Variants in TBRG4 observed in about 807,000 individuals in gnomAD.
TBRG4 encodes the protein FAST kinase domain-containing protein 4.
Under a neutral mutation model 65.6 loss-of-function variants are expected in TBRG4, and 43 were observed. The ratio of observed to expected loss-of-function variants is 0.66; its 90% CI spans 0.51 to 0.85. The LOEUF (loss-of-function observed/expected upper bound fraction) is 0.85, where lower values mean the gene tolerates loss of function less well. Ranked by LOEUF, TBRG4 falls within the 40% of genes least tolerant of loss-of-function variation. The pLI is 0.00. For synonymous variants in TBRG4, 366 were observed against 341.4 expected (o/e 1.07, Z -0.79); for missense variants, 709 against 787.9 (o/e 0.90, Z 1.20).
rs1193679190 is a variant in TBRG4 at position 45,105,462 on chromosome 7, T to C, written c.714A>G (p.Leu238=). The C allele has an allele frequency of 1.9e-6, 3 of 1,607,370 alleles. No homozygotes were observed. The highest frequency in any genetic ancestry group is 1.1e-5 in the South Asian group (1 of 90,364). The part of the protein sequence containing the change: ...MMKVGHLSEP[L]MNRLEDKCLE... ...GTACCTTGTCTTCCAGGCGGTTCATTAGTGGCTCCGAGAGGTGTCCCACCT... is the reference window on the plus strand; with the variant it reads ...GTACCTTGTCTTCCAGGCGGTTCATCAGTGGCTCCGAGAGGTGTCCCACCT... The change falls in exon 3 of 11, where the codon CTA becomes CTG. Residue 238 remains leucine, a synonymous_variant. Coordinates refer to ENST00000258770, the MANE Select transcript of TBRG4 (RefSeq NM_004749.4).
At chr7:45,111,425 G>C (rs912647497) in intron 1 of TBRG4, 4 of 329,014 alleles carry the variant, frequency 1.2e-5, no homozygotes, top group African/African-American at 9.0e-5. Context: ...ACGGTCAACA[G>C]GGGCGGCGTC....
intron 3 of TBRG4, 52 bp from the exon 4 acceptor site, chr7:45,104,761 A>T: frequency 6.3e-7 from 1 of 1,597,190 alleles, no homozygotes; most frequent in Non-Finnish European, 8.5e-7. Flanking sequence ...GGTGGCAGAG[A>T]TGAGCTGGGG....
intron 1 of TBRG4, 77 bp from the exon 2 acceptor site, chr7:45,109,364 A>G: frequency 8.4e-7 from 1 of 1,184,440 alleles, no homozygotes; most frequent in East Asian, 2.6e-5. Context: ...TGAAATAGTC[A>G]AAGCCACTCT....
chr7:45,105,329 GCT>G lies in TBRG4; in HGVS notation c.735+110_735+111del, dbSNP rs199642226. On this transcript the variant is annotated intron_variant, in intron 3 of 10. Coordinates refer to ENST00000258770, the MANE Select transcript of TBRG4 (RefSeq NM_004749.4). ...GAGGCTCCAGACAGAAGCTCCCAGG[GCT>G]CTGATCCCAGTGCACACAACGCACC... The G allele has an allele frequency of 1.4e-3, 1,684 of 1,213,550 alleles. 35 individuals are homozygous for G. In the East Asian group the frequency reaches 0.035, roughly 25 times the overall value. The allele number at this position is 1,213,550 out of a possible 1,614,324, so 75.2% of individuals were successfully genotyped here.
chr7:45,103,407 G>C lies in TBRG4; in HGVS notation c.1102C>G (p.His368Asp). ...LNRAQDITLPHLCSVLLAFAR... is the reference protein window; with the variant it reads ...LNRAQDITLPDLCSVLLAFAR... ...AAAGCCAGAAGTACGCTGCACAGGTGGGGCAGGGTGATGTCCTGCGCTCTG... is the reference window on the plus strand; with the variant it reads ...AAAGCCAGAAGTACGCTGCACAGGTCGGGCAGGGTGATGTCCTGCGCTCTG... The change falls in exon 6 of 11, where the codon CAC becomes GAC. Residue 368 changes from histidine (H) to aspartate (D), a missense_variant. Coordinates refer to ENST00000258770, the MANE Select transcript of TBRG4 (RefSeq NM_004749.4). 2 of 1,613,980 alleles carry C rather than the reference G, an allele frequency of 1.2e-6. No homozygotes were observed. Among genetic ancestry groups the C allele is most frequent in the Non-Finnish European group, 1.7e-6 (2 of 1,179,928 alleles).
rs1784926464 is a variant in TBRG4 at position 45,105,664 on chromosome 7, T to C, written c.512A>G (p.Glu171Gly). 1.2e-6 allele frequency: 2 copies of C among 1,614,034 alleles called. No homozygotes were observed. The highest frequency in any genetic ancestry group is 2.2e-5 in the South Asian group (2 of 91,082). Reference sequence around the variant, plus strand: ...GAGCTTCCGCATGCGCCAGCGGACCTCCTGCTCCACCGACTGCAGCTCCTT... The same window carrying C: ...GAGCTTCCGCATGCGCCAGCGGACCCCCTGCTCCACCGACTGCAGCTCCTT... ...ASKELQSVEQ[E>G]VRWRMRKLKY... The change falls in exon 3 of 11, where the codon GAG (glutamate) becomes GGG (glycine). Residue 171 changes from glutamate (E) to glycine (G), a missense_variant. Glu to Gly is a moderately conservative substitution (Grantham distance 98, BLOSUM62 -2). Coordinates refer to ENST00000258770, the MANE Select transcript of TBRG4 (RefSeq NM_004749.4).
chr7:45,111,302 GC>G (rs1159892109), intron 1 of TBRG4: 1 of 164,092 alleles, frequency 6.1e-6, no homozygotes, highest in African/African-American at 2.4e-5. Flanking sequence ...GTAAACGGAA[GC>G]CCAGGAGCCA....
rs776184393 is a variant in TBRG4 at position 45,104,267 on chromosome 7, G to C, written c.908-11C>G. 3.7e-6 allele frequency: 6 copies of C among 1,613,574 alleles called. No individual in the cohort carries two copies. The East Asian group carries it at 1.1e-4, about 30-fold the overall frequency. On this transcript the variant is annotated splice_polypyrimidine_tract_variant and intron_variant, in intron 4 of 10. Transcript: ENST00000258770. Reference sequence around the variant, plus strand: ...GAAAGCTGAGTTTGCCTTCAGGACAGAGCAGATCACAGGGTTTAGCTGGAG... The same window carrying C: ...GAAAGCTGAGTTTGCCTTCAGGACACAGCAGATCACAGGGTTTAGCTGGAG...
rs182333366 is a variant in TBRG4 at position 45,101,310 on chromosome 7, C to A, written c.1742G>T (p.Arg581Leu). ...FNSRSKDLLG[R>L]FVLARRHIVA... ...TATGTGTCGCCGGGCCAGAACAAAGCGACCCAGCAAGTCCTTGCTTCGGCT... is the reference window on the plus strand; with the variant it reads ...TATGTGTCGCCGGGCCAGAACAAAGAGACCCAGCAAGTCCTTGCTTCGGCT... Residue 581 changes from arginine (R) to leucine (L), a missense_variant, in exon 10 of 11, where the codon CGC becomes CTC. Transcript: ENST00000258770. The A allele has an allele frequency of 1.2e-6, 2 of 1,613,992 alleles. No homozygotes were observed. The highest frequency in any genetic ancestry group is 1.1e-5 in the South Asian group (1 of 91,082).
At chr7:45,104,047 G>A (rs1487820997) in intron 5 of TBRG4, 52 bp downstream of exon 5, 4 of 1,520,932 alleles carry the variant, frequency 2.6e-6, no homozygotes, top group African/African-American at 2.8e-5. Flanking sequence ...ATGGTTCCCA[G>A]CAGATGGCCA....
In TBRG4 at chr7:45,111,426, G is replaced by A. The variant is rs1239249104; in HGVS notation, c.-51+217C>T. ...CGCTGGGGTCATGGACGGTCAACAG[G>A]GGCGGCGTCTTCCAGGCCTGGCCGC... On this transcript the variant is annotated intron_variant, in intron 1 of 10. Coordinates refer to ENST00000258770, the MANE Select transcript of TBRG4 (RefSeq NM_004749.4). The A allele has an allele frequency of 1.4e-4, 45 of 329,496 alleles. 1 individual carries two copies. Among genetic ancestry groups the A allele is most frequent in the South Asian group, 1.1e-3 (45 of 39,770 alleles). The allele number at this position is 329,496 out of a possible 1,614,324, so 20.4% of individuals were successfully genotyped here.
Position 45,104,228 on chromosome 7 carries a change from C to T in TBRG4, c.936G>A (p.Val312=). The change falls in exon 5 of 11, where the codon GTG becomes GTA. Residue 312 remains valine (V), a synonymous_variant. Transcript: ENST00000258770. Reference sequence around the variant, plus strand: ...GCAGGTCGGTGGCCAGGCGCTGGGACACCTGGGTCTGGTGAAAGCTGAGTT... The same window carrying T: ...GCAGGTCGGTGGCCAGGCGCTGGGATACCTGGGTCTGGTGAAAGCTGAGTT... The part of the protein sequence containing the change: ...YGKLSFHQTQ[V]SQRLATDLLS... The T allele has an allele frequency of 6.2e-7, 1 of 1,614,018 alleles. No homozygotes were observed. The highest frequency in any genetic ancestry group is 8.5e-7 in the Non-Finnish European group (1 of 1,179,988).
rs773359685 is a variant in TBRG4 at position 45,109,003 on chromosome 7, C to T, written c.235G>A (p.Ala79Thr). The T allele has an allele frequency of 1.9e-6, 3 of 1,611,422 alleles. No individual in the cohort carries two copies. The highest frequency in any genetic ancestry group is 2.2e-5 in the East Asian group (1 of 44,898). ...TCCAGGAGCTCCTCTGGCCTTGTGG[C>T]CTTCTTGATGAGGTGGTCCACCTGC... ...EKQVDHLIKK[A>T]TRPEELLELL... The change falls in exon 2 of 11, where the codon GCC (alanine) becomes ACC (threonine). Residue 79 changes from alanine to threonine, a missense_variant. Transcript: ENST00000258770.
At position 45,108,912 on chromosome 7, in the gene TBRG4, T is replaced by C. The variant is rs1785037264; in HGVS notation, c.326A>G (p.His109Arg). The C allele has an allele frequency of 1.9e-6, 3 of 1,601,920 alleles. No individual in the cohort carries two copies. Among genetic ancestry groups the C allele is most frequent in the African/African-American group, 2.7e-5 (2 of 74,336 alleles). Reference sequence around the variant, plus strand: ...ATCTTCTGGCTTCTCAGACAGCAAGTGAGAGAGCCGGATAAGTACCATTGC... The same window carrying C: ...ATCTTCTGGCTTCTCAGACAGCAAGCGAGAGAGCCGGATAAGTACCATTGC... ...QAAMVLIRLS[H>R]LLSEKPEDKG... The change falls in exon 2 of 11, where the codon CAC becomes CGC. Residue 109 changes from histidine to arginine, a missense_variant. His to Arg is a conservative substitution (Grantham distance 29, BLOSUM62 0). Transcript: ENST00000258770.
chr7:45,108,814 C>T lies in TBRG4; in HGVS notation c.411+13G>A. On this transcript the variant is annotated intron_variant, in intron 2 of 10. Transcript: ENST00000258770. ...CTCTTGTCTATGCTCTCAGACCACA[C>T]TCCGGCACCCACCTGACTGTTGAGC... 1 of 1,523,370 alleles carries T rather than the reference C, an allele frequency of 6.6e-7. No individual in the cohort carries two copies. The highest frequency in any genetic ancestry group is 8.8e-7 in the Non-Finnish European group (1 of 1,138,594). 94.4% of individuals were successfully genotyped at this position (1,523,370 alleles called of 1,614,324 possible). A position where few individuals can be genotyped will look rare whatever the true frequency, so the allele number is the denominator to read the frequency against.
rs747407691 is a variant in TBRG4 at position 45,105,405 on chromosome 7, G to T, written c.735+36C>A. ...AAGAACAAGCCCAAAGCCCAGGGGAGGCAGGCTGGGTGCCACCTGCTTTCA... is the reference window on the plus strand; with the variant it reads ...AAGAACAAGCCCAAAGCCCAGGGGATGCAGGCTGGGTGCCACCTGCTTTCA... On this transcript the variant is annotated intron_variant, in intron 3 of 10. Transcript: ENST00000258770. The T allele has an allele frequency of 1.9e-6, 3 of 1,558,876 alleles. No individual in the cohort carries two copies. The Admixed American group carries it at 5.4e-5, about 28-fold the overall frequency.
chr7:45,102,112 C>T, intron 7 of TBRG4, 42 bp from the exon 8 acceptor site: 1 of 1,553,278 alleles, frequency 6.4e-7, no homozygotes. Flanking sequence ...GGCCTACGGC[C>T]AGAGATGGGG....
At chr7:45,103,557 C>A in intron 5 of TBRG4, 114 bp from the exon 6 acceptor site, 2 of 797,052 alleles carry the variant, frequency 2.5e-6, no homozygotes, top group Non-Finnish European at 4.2e-6. Context: ...AATGGCAGGA[C>A]CCTCCATCCA....
chr7:45,109,311 G>A, intron 1 of TBRG4, 24 bp from the exon 2 acceptor site: 1 of 1,503,576 alleles, frequency 6.7e-7, no homozygotes, highest in African/African-American at 1.4e-5. Context: ...GGAGAGAGAA[G>A]GGGCTACTAC....
Sources: gnomAD v4.1 joint callset for allele counts on GRCh38, gnomAD v4.1.1 for gene constraint, MANE v1.5 for transcripts, NCBI Gene and HGNC (gene_info 2026-07-23, HGNC 2026-07-21) for gene names.